BEND7: variants seen among roughly 807,000 people sequenced by gnomAD.
BEND7 encodes BEN domain-containing protein 7.
A neutral mutation model predicts 50.9 loss-of-function variants in BEND7; 28 were observed. The ratio of observed to expected loss-of-function variants is 0.55; its 90% CI spans 0.41 to 0.75. The LOEUF (loss-of-function observed/expected upper bound fraction) is 0.75, where lower values mean the gene tolerates loss of function less well. Among genes scored for constraint, BEND7 ranks in the 30% least tolerant of loss-of-function variants. The pLI is 0.00. For missense variants in BEND7, 477 were observed against 491.3 expected, an observed-to-expected ratio of 0.97 and a Z score of 0.28; for synonymous variants, 170 against 183.9, an observed-to-expected ratio of 0.92 and a Z score of 0.61.
intron 6 of BEND7, among the ~76,000 whole-genome samples, chr10:13,464,287 G>T (rs888541573): frequency 6.6e-6 from 1 of 152,212 alleles, no homozygotes; most frequent in Non-Finnish European, 1.5e-5. Flanking sequence ...CCTGGAGGAA[G>T]AAAAGGCTTT....
At chr10:13,512,570 G>A (rs138890052) in intron 2 of BEND7, among the ~76,000 whole-genome samples, 113 of 152,290 alleles carry the variant, frequency 7.4e-4, no homozygotes, top group African/African-American at 2.5e-3. Context: ...CTGATCCTCT[G>A]CTCTCCTGTA....
At chr10:13,449,436 A>T (rs1837203567) in intron 7 of BEND7, among the ~76,000 whole-genome samples, 1 of 152,172 alleles carries the variant, frequency 6.6e-6, no homozygotes, top group Non-Finnish European at 1.5e-5. Flanking sequence ...CTTAACACAT[A>T]AGGAAAGTGA....
rs138884848 is a variant in BEND7 at position 13,453,984 on chromosome 10, T to C, written c.1064-1326A>G. 3.2e-3 allele frequency among the ~76,000 whole-genome samples: 492 copies of C among 152,266 alleles called. 4 individuals carry two copies. The highest frequency in any genetic ancestry group is 0.011 in the African/African-American group (469 of 41,548). ...TCTACTGTCAAACACATGGCAACAA[T>C]CCGATTGTGCAGGAAGAGATCGATG... On this transcript the variant is annotated intron_variant, in intron 6 of 8. Coordinates refer to ENST00000466271, the MANE Select transcript of BEND7 (RefSeq NM_001369863.1).
intron 2 of BEND7, among the ~76,000 whole-genome samples, chr10:13,523,571 G>A (rs1437611879): frequency 6.6e-6 from 1 of 152,120 alleles, no homozygotes; most frequent in Non-Finnish European, 1.5e-5. Context: ...CTTTGTTATA[G>A]GGGAAAGAGT....
chr10:13,491,569 A>C (rs1042536343), intron 5 of BEND7, among the ~76,000 whole-genome samples: 1 of 143,772 alleles, frequency 7.0e-6, no homozygotes, highest in East Asian at 2.0e-4. Context: ...TATAGATTTC[A>C]AAAAAAAAAA....
chr10:13,483,666 TACTC>T (rs1476210609), intron 5 of BEND7, among the ~76,000 whole-genome samples: 1 of 152,192 alleles, frequency 6.6e-6, no homozygotes, highest in African/African-American at 2.4e-5. Context: ...TTTCAATACC[TACTC>T]ACTGAGCCCC....
chr10:13,486,040 A>G (rs1289450548), intron 5 of BEND7, among the ~76,000 whole-genome samples: 3 of 152,090 alleles, frequency 2.0e-5, no homozygotes, highest in Non-Finnish European at 2.9e-5. Flanking sequence ...TGGCCAGTTA[A>G]TTTAAATAAA....
intron 3 of BEND7, 130 bp from the exon 4 acceptor site, chr10:13,497,018 G>C (rs2077071284): frequency 3.4e-6 from 4 of 1,179,854 alleles, no homozygotes; most frequent in South Asian, 1.7e-5. Context: ...TGATGAAGCT[G>C]TGCCTAAGGA....
At chr10:13,502,214 A>C (rs966131673) in intron 2 of BEND7, among the ~76,000 whole-genome samples, 3 of 152,172 alleles carry the variant, frequency 2.0e-5, no homozygotes, top group African/African-American at 4.8e-5. Flanking sequence ...TAAATAAGGA[A>C]GTTTATTTTG....
chr10:13,447,931 A>C (rs1430436465), intron 7 of BEND7, among the ~76,000 whole-genome samples: 1 of 152,142 alleles, frequency 6.6e-6, no homozygotes, highest in Non-Finnish European at 1.5e-5. Context: ...GTGTCAATGA[A>C]TTCCTGCTGT....
At chr10:13,446,598 G>GC (rs1836371099) in intron 8 of BEND7, 1 of 152,438 alleles carries the variant, frequency 6.6e-6, no homozygotes, top group Non-Finnish European at 1.5e-5. Flanking sequence ...TCAGACACCT[G>GC]CCCCTCTGGC....
chr10:13,522,061 T>TAACTG (rs2079113687), intron 2 of BEND7, among the ~76,000 whole-genome samples: 1 of 152,168 alleles, frequency 6.6e-6, no homozygotes, highest in Non-Finnish European at 1.5e-5. Context: ...GGAAGCTGAA[T>TAACTG]AACTGAACTG....
chr10:13,500,185 A>C, intron 2 of BEND7, 105 bp from the exon 3 acceptor site: 1 of 989,936 alleles, frequency 1.0e-6, no homozygotes, highest in African/African-American at 1.6e-5. Flanking sequence ...TGGAAATGGG[A>C]AAGATGACTG....
chr10:13,510,156 T>C (rs1224309743), intron 2 of BEND7, among the ~76,000 whole-genome samples: 2 of 151,958 alleles, frequency 1.3e-5, no homozygotes, highest in East Asian at 3.8e-4. Context: ...ATACTAATGA[T>C]GGAAAAATGG....
At chr10:13,469,254 AG>A (rs901954638) in intron 6 of BEND7, among the ~76,000 whole-genome samples, 1 of 152,184 alleles carries the variant, frequency 6.6e-6, no homozygotes, top group African/African-American at 2.4e-5. Context: ...TCTAACCAAG[AG>A]CAGGATGCAA....
chr10:13,447,328 A>T lies in BEND7; in HGVS notation c.1184-12T>A, dbSNP rs772365340. 6.2e-7 allele frequency: 1 copy of T among 1,614,074 alleles called. No homozygotes were observed. Among genetic ancestry groups the T allele is most frequent in the East Asian group, 2.2e-5 (1 of 44,884 alleles). On this transcript the variant is annotated splice_polypyrimidine_tract_variant and intron_variant, in intron 7 of 8. Transcript: ENST00000466271. ...ACTGTCCGCGATCTCTGCTGGTTACAAACATAAGACACAAATCTCATTAGT... is the reference window on the plus strand; with the variant it reads ...ACTGTCCGCGATCTCTGCTGGTTACTAACATAAGACACAAATCTCATTAGT...
chr10:13,440,672 G>A (rs187068069), downstream of BEND7, among the ~76,000 whole-genome samples: 1 of 152,258 alleles, frequency 6.6e-6, no homozygotes, highest in African/African-American at 2.4e-5. Flanking sequence ...TGTTCAAAGA[G>A]GGGAAGCGAG....
In BEND7 at chr10:13,478,813, C is replaced by T. The variant is rs530032130; in HGVS notation, c.1063+2086G>A. On this transcript the variant is annotated intron_variant, in intron 6 of 8. Transcript: ENST00000466271. The stretch of plus-strand genomic sequence containing the variant: ...TGTTGGTGGCTTATGGGATTTCCAT[C>T]TGTTTTAAAGTTACTGGGTCGTTAT... Among the ~76,000 whole-genome samples, 34 of 152,136 alleles carry T rather than the reference C, an allele frequency of 2.2e-4. 1 individual carries two copies. The South Asian group carries it at 6.8e-3, about 31-fold the overall frequency.
intron 3 of BEND7, among the ~76,000 whole-genome samples, chr10:13,499,421 G>A (rs552240442): frequency 6.6e-6 from 1 of 152,074 alleles, no homozygotes; most frequent in East Asian, 1.9e-4. Context: ...CATAGGACCA[G>A]GAAGCTTCTT....
Sources: gnomAD v4.1 joint callset for allele counts (sites outside exome capture counted in the v4.1 genomes callset) on GRCh38, gnomAD v4.1.1 for gene constraint, MANE v1.5 for transcripts, NCBI Gene and HGNC (gene_info 2026-07-23, HGNC 2026-07-21) for gene names.